AKAP12: variants seen among roughly 807,000 people sequenced by gnomAD.
AKAP12 encodes A-kinase anchor protein 12.
Under a neutral mutation model 79.9 loss-of-function variants are expected in AKAP12, and 32 were observed. The ratio of observed to expected loss-of-function variants is 0.40; its 90% CI spans 0.30 to 0.54. The LOEUF is 0.54. Ranked by LOEUF, AKAP12 falls within the 20% of genes least tolerant of loss-of-function variation. The pLI, the probability that AKAP12 is intolerant of heterozygous loss-of-function variation, is 0.48. For synonymous variants in AKAP12, 808 were observed against 857.0 expected (o/e 0.94, Z 1.00); for missense variants, 2,074 against 2,177.0 (o/e 0.95, Z 0.94).
chr6:151,319,535 T>TATAG (rs1401377963), intron 3 of AKAP12: 1 of 88,722 alleles, frequency 1.1e-5, no homozygotes, highest in African/African-American at 5.8e-5. Context: ...TAGATATATA[T>TATAG]ATATAGATAT....
chr6:151,240,836 C>G (rs1213504038), intron 2 of AKAP12, 112 bp downstream of exon 2: 1 of 979,796 alleles, frequency 1.0e-6, no homozygotes, highest in Admixed American at 4.6e-5. Flanking sequence ...CCCATCCAGC[C>G]GCATCTGCAA....
In AKAP12 at chr6:151,311,319, A is replaced by G. The variant is rs147175570; in HGVS notation, c.319+5416A>G. On this transcript the variant is annotated intron_variant, in intron 3 of 4. Transcript: ENST00000402676. ...TGTGTACCCAGAGTTGAGGATATTTACACCAGCAGCAATGGAGCAGGAAGC... is the reference window on the plus strand; with the variant it reads ...TGTGTACCCAGAGTTGAGGATATTTGCACCAGCAGCAATGGAGCAGGAAGC... Among the ~76,000 whole-genome samples the G allele has an allele frequency of 5.0e-3, 763 of 152,340 alleles. 8 individuals are homozygous for G. Among genetic ancestry groups the G allele is most frequent in the African/African-American group, 0.017 (702 of 41,574 alleles).
intron 2 of AKAP12, among the ~76,000 whole-genome samples, chr6:151,272,427 A>G (rs950749384): frequency 6.6e-6 from 1 of 150,756 alleles, no homozygotes; most frequent in Admixed American, 6.6e-5. Context: ...CTAGTTTCTT[A>G]AACTAGAATA....
intron 3 of AKAP12, among the ~76,000 whole-genome samples, chr6:151,328,154 C>T (rs189897237): frequency 1.2e-3 from 182 of 151,052 alleles, no homozygotes; most frequent in Middle Eastern, 3.4e-3. Context: ...GGTGAAACCC[C>T]GTCTCTAGTA....
intron 2 of AKAP12, among the ~76,000 whole-genome samples, chr6:151,303,616 T>C (rs774418928): frequency 2.6e-5 from 4 of 152,190 alleles, no homozygotes; most frequent in Non-Finnish European, 5.9e-5. Context: ...AGTCATTCAT[T>C]GGCCTGGAAG....
intron 2 of AKAP12, among the ~76,000 whole-genome samples, chr6:151,285,604 C>A (rs180862692): frequency 2.6e-5 from 4 of 151,250 alleles, no homozygotes; most frequent in Non-Finnish European, 4.4e-5. Flanking sequence ...AAAAAAAAAT[C>A]AATTTCATGC....
intron 2 of AKAP12, among the ~76,000 whole-genome samples, chr6:151,250,791 G>C (rs1797159632): frequency 6.6e-6 from 1 of 151,812 alleles, no homozygotes. Flanking sequence ...ATTTTTAGTA[G>C]AGATGGGGGT....
At chr6:151,334,090 C>T (rs1211005344) in intron 3 of AKAP12, among the ~76,000 whole-genome samples, 1 of 152,006 alleles carries the variant, frequency 6.6e-6, no homozygotes, top group Non-Finnish European at 1.5e-5. Flanking sequence ...GGCAACATAG[C>T]CAGTTCCTCC....
chr6:151,347,860 A>T (rs1449514452), intron 3 of AKAP12, among the ~76,000 whole-genome samples: 2 of 149,164 alleles, frequency 1.3e-5, no homozygotes, highest in Non-Finnish European at 3.0e-5. Flanking sequence ...AGCATGGTGA[A>T]ACCCCTCCCA....
Position 151,352,949 on chromosome 6 carries a change from G to A in AKAP12, c.4558G>A (p.Ala1520Thr). ...GTCAGATGAAGTCGATGAGCAGGTT[G>A]CTTGCCAGGAGGTCAAAGTGAGTGT... The part of the protein sequence containing the change: ...WKSDEVDEQV[A>T]CQEVKVSVAI... The change falls in exon 4 of 5, where the codon GCT becomes ACT. Residue 1520 changes from alanine to threonine, a missense_variant. Coordinates refer to ENST00000402676, the MANE Select transcript of AKAP12 (RefSeq NM_005100.4). 6.2e-7 allele frequency: 1 copy of A among 1,609,526 alleles called. No individual in the cohort carries two copies. The highest frequency in any genetic ancestry group is 8.5e-7 in the Non-Finnish European group (1 of 1,179,258).
chr6:151,324,504 A>G (rs1777477029), intron 3 of AKAP12: 1 of 985,034 alleles, frequency 1.0e-6, no homozygotes, highest in Non-Finnish European at 1.2e-6. Flanking sequence ...TTCCTCGCCC[A>G]CCCTTCTCTT....
At chr6:151,245,706 A>G (rs1404450199) in intron 2 of AKAP12, among the ~76,000 whole-genome samples, 1 of 151,600 alleles carries the variant, frequency 6.6e-6, no homozygotes, top group African/African-American at 2.4e-5. Flanking sequence ...CTTATTAATG[A>G]TTTTTATTTA....
intron 2 of AKAP12, among the ~76,000 whole-genome samples, chr6:151,284,017 C>G (rs1261883062): frequency 6.6e-6 from 1 of 152,174 alleles, no homozygotes. Context: ...TAGGGTTTGT[C>G]TGTGGTCAAT....
At position 151,353,518 on chromosome 6, in the gene AKAP12, C is replaced by T. The variant is rs766755160; in HGVS notation, c.5127C>T (p.Asn1709=). ...EKGDDVDDPE[N]QNSALADTDA... ...GTGATGATGTTGATGACCCTGAAAA[C>T]CAGAACTCAGCCCTGGCTGATACTG... The change falls in exon 4 of 5, where the codon AAC becomes AAT. Residue 1709 remains asparagine, a synonymous_variant. Transcript: ENST00000402676. The T allele has an allele frequency of 1.9e-6, 3 of 1,614,016 alleles. No homozygotes were observed. The highest frequency in any genetic ancestry group is 1.7e-5 in the Admixed American group (1 of 59,994).
chr6:151,247,123 C>T (rs1361159693), intron 2 of AKAP12, among the ~76,000 whole-genome samples: 2 of 151,444 alleles, frequency 1.3e-5, no homozygotes. Flanking sequence ...TTTTTTCTAG[C>T]CAGGTGTGGG....
chr6:151,272,527 A>ATAGG (rs1324859921), intron 2 of AKAP12, among the ~76,000 whole-genome samples: 1 of 151,862 alleles, frequency 6.6e-6, no homozygotes, highest in African/African-American at 2.4e-5. Flanking sequence ...AGATAGATAG[A>ATAGG]TAGATAGATA....
intron 2 of AKAP12, among the ~76,000 whole-genome samples, chr6:151,297,458 A>G (rs552540769): frequency 1.3e-5 from 2 of 151,862 alleles, no homozygotes; most frequent in African/African-American, 4.8e-5. Context: ...CTGTAATCCC[A>G]GCTACTCAGG....
At chr6:151,293,041 T>C (rs1776653122) in intron 2 of AKAP12, among the ~76,000 whole-genome samples, 1 of 152,222 alleles carries the variant, frequency 6.6e-6, no homozygotes, top group Non-Finnish European at 1.5e-5. Flanking sequence ...ATCAAGACCT[T>C]ACTTGGGATA....
intron 2 of AKAP12, among the ~76,000 whole-genome samples, chr6:151,247,906 T>C (rs1303294169): frequency 6.6e-6 from 1 of 152,206 alleles, no homozygotes; most frequent in Non-Finnish European, 1.5e-5. Context: ...TCATTTCAGG[T>C]TCAAAGCTTT....
Sources: gnomAD v4.1 joint callset for allele counts (sites outside exome capture counted in the v4.1 genomes callset) on GRCh38, gnomAD v4.1.1 for gene constraint, MANE v1.5 for transcripts, NCBI Gene and HGNC (gene_info 2026-07-23, HGNC 2026-07-21) for gene names.